GRID1: variants seen among roughly 807,000 people sequenced by gnomAD.
GRID1 encodes glutamate receptor ionotropic, delta-1.
In GRID1, 28 loss-of-function variants were observed where a neutral mutation model predicts 98.0. The ratio of observed to expected loss-of-function variants is 0.29; its 90% confidence interval spans 0.21 to 0.39. The LOEUF (loss-of-function observed/expected upper bound fraction) is 0.39, where lower values mean the gene tolerates loss of function less well. Ranked by LOEUF, GRID1 falls within the 10% of genes least tolerant of loss-of-function variation. The pLI is 1.00. For synonymous variants in GRID1, 553 were observed against 538.5 expected (o/e 1.03, Z -0.37); for missense variants, 1,111 against 1,340.5 (o/e 0.83, Z 2.67).
At chr10:86,158,783 G>A (rs974355009) in intron 3 of GRID1, among the ~76,000 whole-genome samples, 1 of 152,214 alleles carries the variant, frequency 6.6e-6, no homozygotes. Flanking sequence ...CAAGCCACAG[G>A]GGGCTTCTGA....
intron 4 of GRID1, among the ~76,000 whole-genome samples, chr10:86,090,039 G>T (rs1844122376): frequency 6.6e-6 from 1 of 152,114 alleles, no homozygotes; most frequent in Non-Finnish European, 1.5e-5. Flanking sequence ...GAGCCACCGT[G>T]CCCAGCCTGG....
chr10:85,721,276 G>T (rs1207872063), intron 12 of GRID1, among the ~76,000 whole-genome samples: 7 of 152,212 alleles, frequency 4.6e-5, no homozygotes, highest in Non-Finnish European at 1.0e-4. Context: ...ACGCTGGAAA[G>T]CAGTTTGATA....
At chr10:85,660,127 C>T (rs932652583) in intron 12 of GRID1, among the ~76,000 whole-genome samples, 7 of 152,220 alleles carry the variant, frequency 4.6e-5, no homozygotes, top group East Asian at 1.9e-4. Flanking sequence ...TGCCACATAA[C>T]TTTCACCTGG....
At chr10:86,017,481 G>C (rs377233437) in intron 4 of GRID1, among the ~76,000 whole-genome samples, 1 of 152,176 alleles carries the variant, frequency 6.6e-6, no homozygotes, top group Admixed American at 6.5e-5. Flanking sequence ...ACAGAACTAC[G>C]CACCAGGCTG....
chr10:85,828,995 G>A (rs1842844343), intron 8 of GRID1, among the ~76,000 whole-genome samples: 1 of 152,046 alleles, frequency 6.6e-6, no homozygotes, highest in Non-Finnish European at 1.5e-5. Context: ...ACCTAGCAGA[G>A]ACACAACAAA....
chr10:86,213,977 G>A (rs540522525), intron 2 of GRID1, among the ~76,000 whole-genome samples: 20 of 152,150 alleles, frequency 1.3e-4, no homozygotes, highest in Non-Finnish European at 2.5e-4. Context: ...TGAGCCTGTC[G>A]ACTTTCCTCC....
chr10:86,192,595 C>A lies in GRID1; in HGVS notation c.520+13769G>T, dbSNP rs957392166. Among the ~76,000 whole-genome samples, 1 of 150,082 alleles carries A rather than the reference C, an allele frequency of 6.7e-6. No homozygotes were observed. The highest frequency in any genetic ancestry group is 2.1e-4 in the South Asian group (1 of 4,822). Reference sequence around the variant, plus strand: ...AGTTTCGGTTTGGGAAGATGAGAACCTTCTGGAGATGAACGGTAGTGACTG... The same window carrying A: ...AGTTTCGGTTTGGGAAGATGAGAACATTCTGGAGATGAACGGTAGTGACTG... On this transcript the variant is annotated intron_variant, in intron 3 of 15. Transcript: ENST00000327946. The surrounding 1 kb of genome is among the most constrained non-coding windows in gnomAD (Gnocchi z 4.8).
intron 12 of GRID1, among the ~76,000 whole-genome samples, chr10:85,700,507 T>C (rs1395510876): frequency 3.9e-5 from 6 of 152,358 alleles, no homozygotes; most frequent in Admixed American, 1.3e-4. Context: ...ATTTCCTAAA[T>C]GCAAACATTA....
chr10:86,270,025 C>A (rs1249613923), intron 2 of GRID1, among the ~76,000 whole-genome samples: 2 of 152,184 alleles, frequency 1.3e-5, no homozygotes, highest in African/African-American at 4.8e-5. Flanking sequence ...ACAAATCTAT[C>A]CTTATTTGTA....
chr10:86,345,422 C>A (rs750542506), intron 2 of GRID1, among the ~76,000 whole-genome samples: 1 of 152,198 alleles, frequency 6.6e-6, no homozygotes, highest in Non-Finnish European at 1.5e-5. Context: ...GAGAAGCCAG[C>A]TAGCCTAGCA....
chr10:86,182,393 C>T (rs779756342), intron 3 of GRID1, among the ~76,000 whole-genome samples: 66 of 152,246 alleles, frequency 4.3e-4, no homozygotes, highest in Non-Finnish European at 9.6e-4. Context: ...GAACAAACTG[C>T]TCCACAGTGA....
intron 2 of GRID1, among the ~76,000 whole-genome samples, chr10:86,351,691 A>G (rs1848464799): frequency 6.6e-6 from 1 of 152,206 alleles, no homozygotes; most frequent in Non-Finnish European, 1.5e-5. Context: ...AGCCACAGCA[A>G]GCAGTGATTT....
intron 4 of GRID1, among the ~76,000 whole-genome samples, chr10:86,088,414 C>T (rs1461922452): frequency 6.6e-6 from 1 of 152,204 alleles, no homozygotes; most frequent in Non-Finnish European, 1.5e-5. Flanking sequence ...GTTTAGCATG[C>T]AAATGTATTC....
rs1434303330 is a variant in GRID1, at chr10:85,858,248, G to A, written c.952-2058C>T. 2.6e-5 allele frequency among the ~76,000 whole-genome samples: 4 copies of A among 152,206 alleles called. No individual in the cohort carries two copies. The East Asian group carries it at 7.7e-4, about 29-fold the overall frequency. On this transcript the variant is annotated intron_variant, in intron 6 of 15. Transcript: ENST00000327946. ...AGGTGGAGGATGGCCAGATGTTGCA[G>A]AGGTGTCAAGAGTGTGCTAAAGCAA...
intron 2 of GRID1, among the ~76,000 whole-genome samples, chr10:86,209,097 T>C (rs1846073789): frequency 6.6e-6 from 1 of 152,152 alleles, no homozygotes; most frequent in African/African-American, 2.4e-5. Flanking sequence ...TTTTATTTTA[T>C]CAATTAAATA....
intron 4 of GRID1, among the ~76,000 whole-genome samples, chr10:86,096,948 A>AT (rs1382876053): frequency 6.6e-6 from 1 of 152,120 alleles, no homozygotes; most frequent in Non-Finnish European, 1.5e-5. Context: ...CACTAGCAAA[A>AT]TTTTTGCTTC....
At chr10:85,764,049 A>G (rs1842173822) in intron 8 of GRID1, among the ~76,000 whole-genome samples, 1 of 152,190 alleles carries the variant, frequency 6.6e-6, no homozygotes, top group Non-Finnish European at 1.5e-5. Flanking sequence ...TCTTAATAAA[A>G]GCCAAAGAGA....
intron 2 of GRID1, among the ~76,000 whole-genome samples, chr10:86,273,843 T>G (rs1055674328): frequency 6.6e-5 from 10 of 152,114 alleles, no homozygotes; most frequent in African/African-American, 2.4e-4. Context: ...TTGCAAAAAT[T>G]TTCTCCCATT....
At chr10:86,135,933 C>T (rs1384282728) in intron 4 of GRID1, among the ~76,000 whole-genome samples, 1 of 152,204 alleles carries the variant, frequency 6.6e-6, no homozygotes, top group Non-Finnish European at 1.5e-5. Flanking sequence ...ATAGCCCATG[C>T]CAACTCCAGC....
Sources: allele counts gnomAD v4.1 joint callset (sites outside exome capture counted in the v4.1 genomes callset), GRCh38; gene constraint gnomAD v4.1.1; non-coding constraint Gnocchi (gnomAD v3.1); transcripts MANE v1.5; gene names NCBI Gene and HGNC (gene_info 2026-07-23, HGNC 2026-07-21).